TMEM39A: variants seen among roughly 807,000 people sequenced by gnomAD.
TMEM39A encodes the protein transmembrane protein 39A, also known as suppressor of SQST-1 aggregates in rpl-43 mutants.
A neutral mutation model predicts 51.9 loss-of-function variants in TMEM39A; 19 were observed. That is an observed-to-expected ratio of 0.37 (90% CI 0.26 to 0.54). TMEM39A has a LOEUF of 0.54. Among genes scored for constraint, TMEM39A ranks in the 20% least tolerant of loss-of-function variants. The probability of loss-of-function intolerance (pLI) is 0.88; values close to 1 mark genes in which losing one functional copy is unlikely to be tolerated. For synonymous variants in TMEM39A, 197 were observed against 220.2 expected (o/e 0.89, Z 0.93); for missense variants, 433 against 590.5 (o/e 0.73, Z 2.76).
intron 3 of TMEM39A, among the ~76,000 whole-genome samples, chr3:119,455,533 T>C (rs981673215): frequency 6.6e-6 from 1 of 152,174 alleles, no homozygotes; most frequent in Non-Finnish European, 1.5e-5. Flanking sequence ...TTAGGTTCTG[T>C]CAACCACAGG....
intron 5 of TMEM39A, among the ~76,000 whole-genome samples, chr3:119,443,727 G>A (rs1364386004): frequency 6.6e-6 from 1 of 151,980 alleles, no homozygotes; most frequent in East Asian, 1.9e-4. Context: ...ACCAGCCTGG[G>A]CAACAAAACG....
chr3:119,448,581 T>C (rs1215542797), intron 4 of TMEM39A, among the ~76,000 whole-genome samples: 1 of 152,180 alleles, frequency 6.6e-6, no homozygotes, highest in African/African-American at 2.4e-5. Flanking sequence ...GTTGAATAAA[T>C]GCCATAATGA....
In TMEM39A at chr3:119,436,811, G is replaced by T; in HGVS notation, c.1092C>A (p.Tyr364Ter). 6.2e-7 allele frequency: 1 copy of T among 1,613,552 alleles called. No individual in the cohort carries two copies. Among genetic ancestry groups the T allele is most frequent in the Non-Finnish European group, 8.5e-7 (1 of 1,179,654 alleles). The change falls in exon 7 of 9, where the codon TAC (tyrosine) becomes TAA (stop). Residue 364 changes from tyrosine (Y) to a stop codon, truncating the protein, a stop_gained. Transcript: ENST00000319172. LOFTEE classifies it high-confidence loss of function. ...CTCACATGTGCTGTGGAGCATTGCT[G>T]TAGGACCCATGTTCCAACTTCTGCC... ...GKWQKLEHGSYSNAPQHIWSE... is the reference protein window; with the variant it reads ...GKWQKLEHGS
At chr3:119,452,634 C>A in intron 3 of TMEM39A, 104 bp from the exon 4 acceptor site, 2 of 799,250 alleles carry the variant, frequency 2.5e-6, no homozygotes. Flanking sequence ...TTCCTTAGAT[C>A]ACCACACCCT....
At chr3:119,441,834 T>C (rs748858180) in intron 5 of TMEM39A, among the ~76,000 whole-genome samples, 9 of 152,238 alleles carry the variant, frequency 5.9e-5, no homozygotes, top group African/African-American at 7.2e-5. Context: ...GACTCTCTTG[T>C]TAGTGGCTAA....
In TMEM39A at chr3:119,435,979, G is replaced by C. The variant is rs1030609855; in HGVS notation, c.1112+812C>G. ...CAGATAATTGAAGGGAGAACTCTCA[G>C]GGGGAGAGGGAAAGGGAAGGTCACC... On this transcript the variant is annotated intron_variant, in intron 7 of 8. Coordinates refer to ENST00000319172, the MANE Select transcript of TMEM39A (RefSeq NM_018266.3). 13 of 1,263,200 alleles carry C rather than the reference G, an allele frequency of 1.0e-5. No homozygotes were observed. In the African/African-American group the frequency reaches 1.4e-4, roughly 13 times the overall value. The allele number at this position is 1,263,200 out of a possible 1,614,324, so 78.2% of individuals were successfully genotyped here. A position where few individuals can be genotyped will look rare whatever the true frequency, so the allele number is the denominator to read the frequency against.
At chr3:119,441,389 A>G (rs762178337) in intron 5 of TMEM39A, among the ~76,000 whole-genome samples, 1 of 147,520 alleles carries the variant, frequency 6.8e-6, no homozygotes, top group Admixed American at 6.9e-5. Flanking sequence ...AAATGGTAAC[A>G]AAGAAAACAG....
chr3:119,436,735 A>G (rs2080972937), intron 7 of TMEM39A, 56 bp downstream of exon 7: 2 of 1,516,602 alleles, frequency 1.3e-6, no homozygotes, highest in Non-Finnish European at 1.8e-6. Context: ...AAGCAAATAA[A>G]CATGATCAGC....
At chr3:119,456,475 CTTAAGGATT>C (rs1014796637) in intron 3 of TMEM39A, among the ~76,000 whole-genome samples, 3 of 152,216 alleles carry the variant, frequency 2.0e-5, no homozygotes, top group Non-Finnish European at 2.9e-5. Flanking sequence ...TCCATACTAT[CTTAAGGATT>C]TTGGCCCACA....
intron 4 of TMEM39A, among the ~76,000 whole-genome samples, chr3:119,449,942 C>T (rs140713981): frequency 1.6e-4 from 24 of 152,200 alleles, no homozygotes; most frequent in Non-Finnish European, 3.1e-4. Context: ...AATTAATTAC[C>T]AGCAGCCTCT....
Position 119,432,143 on chromosome 3 carries a change from C to T in TMEM39A, c.1305G>A (p.Gln435=). Reference sequence around the variant, plus strand: ...TCTCCGACCGCAGCAAGGAATAGAGCTGATAGAAGACGACACTGCCCTCAA... The same window carrying T: ...TCTCCGACCGCAGCAAGGAATAGAGTTGATAGAAGACGACACTGCCCTCAA... ...ILIEGSVVFY[Q]LYSLLRSEKW... The change falls in exon 9 of 9, where the codon CAG becomes CAA. Residue 435 remains glutamine, a synonymous_variant. Coordinates refer to ENST00000319172, the MANE Select transcript of TMEM39A (RefSeq NM_018266.3). 1 of 1,613,234 alleles carries T rather than the reference C, an allele frequency of 6.2e-7. No individual in the cohort carries two copies. Among genetic ancestry groups the T allele is most frequent in the Non-Finnish European group, 8.5e-7 (1 of 1,179,492 alleles).
intron 2 of TMEM39A, among the ~76,000 whole-genome samples, chr3:119,461,634 G>T (rs2081340452): frequency 1.3e-5 from 2 of 151,374 alleles, no homozygotes. Flanking sequence ...TCTAAAAAAA[G>T]AATGCTTATA....
chr3:119,448,483 A>G (rs1367394990), intron 4 of TMEM39A, among the ~76,000 whole-genome samples: 4 of 152,218 alleles, frequency 2.6e-5, no homozygotes, highest in African/African-American at 9.6e-5. Flanking sequence ...GAGTACCTAT[A>G]ACATATACGC....
intron 2 of TMEM39A, among the ~76,000 whole-genome samples, chr3:119,461,142 T>G (rs945180448): frequency 8.5e-5 from 13 of 152,178 alleles, no homozygotes; most frequent in African/African-American, 3.1e-4. Context: ...TTACTCTGTA[T>G]ACATACATAA....
chr3:119,456,803 A>T (rs1243500245), intron 3 of TMEM39A, among the ~76,000 whole-genome samples: 1 of 152,158 alleles, frequency 6.6e-6, no homozygotes, highest in Admixed American at 6.6e-5. Context: ...ACAAGGTCTC[A>T]CTATGTTGCC....
At chr3:119,432,379 G>T (rs1018927211) in intron 8 of TMEM39A, among the ~76,000 whole-genome samples, 165 bp from the exon 9 acceptor site, 35 of 151,938 alleles carry the variant, frequency 2.3e-4, no homozygotes, top group Admixed American at 1.3e-4. Flanking sequence ...TTGCTATAAA[G>T]ATTGAAACCT....
intron 3 of TMEM39A, among the ~76,000 whole-genome samples, chr3:119,457,026 A>T (rs1260466885): frequency 6.7e-6 from 1 of 149,070 alleles, no homozygotes; most frequent in Non-Finnish European, 1.5e-5. Flanking sequence ...GCTGGAGTGC[A>T]GCGGCTCGAT....
At position 119,463,343 on chromosome 3, in the gene TMEM39A, A is replaced by G. The variant is rs138720387; in HGVS notation, c.-82T>C. 153 of 369,040 alleles carry G rather than the reference A, an allele frequency of 4.1e-4. 1 individual carries two copies. In the East Asian group the frequency reaches 5.6e-3, roughly 13 times the overall value. The allele number at this position is 369,040 out of a possible 1,614,324, so 22.9% of individuals were successfully genotyped here. A position where few individuals can be genotyped will look rare whatever the true frequency, so the allele number is the denominator to read the frequency against. ...CAGCTCAGTAATACTCACGCATGGAAGAGTCCCAGCCGGTGGGGCGGGGTC... is the reference window on the plus strand; with the variant it reads ...CAGCTCAGTAATACTCACGCATGGAGGAGTCCCAGCCGGTGGGGCGGGGTC... On this transcript the variant is annotated 5_prime_UTR_variant, in exon 1 of 9. Transcript: ENST00000319172.
At position 119,432,010 on chromosome 3, in the gene TMEM39A, G is replaced by A. The variant is rs753013355; in HGVS notation, c.1438C>T (p.Leu480Phe). Residue 480 changes from leucine to phenylalanine, a missense_variant, in exon 9 of 9, where the codon CTC becomes TTC. Coordinates refer to ENST00000319172, the MANE Select transcript of TMEM39A (RefSeq NM_018266.3). The part of the protein sequence containing the change: ...IVLGRAYSYP[L>F]NSYELKAN ...TTTGCCTTGAGTTCATAACTGTTGA[G>A]TGGGTAGGAGTATGCCCTGCCTAAT... 12 of 1,609,398 alleles carry A rather than the reference G, an allele frequency of 7.5e-6. No individual in the cohort carries two copies. The South Asian group carries it at 9.9e-5, about 13-fold the overall frequency.
Sources: allele counts gnomAD v4.1 joint callset (sites outside exome capture counted in the v4.1 genomes callset), GRCh38; gene constraint gnomAD v4.1.1; transcripts MANE v1.5; gene names NCBI Gene and HGNC (gene_info 2026-07-23, HGNC 2026-07-21).